Variants in RIMS3 observed in about 807,000 individuals in gnomAD.
RIMS3 encodes regulating synaptic membrane exocytosis 3, also known as regulating synaptic membrane exocytosis protein 3.
A neutral mutation model predicts 29.2 loss-of-function variants in RIMS3; 15 were observed. That is an observed-to-expected ratio of 0.51 (90% CI 0.34 to 0.79). The LOEUF is 0.79. Ranked by LOEUF, RIMS3 falls within the 30% of genes least tolerant of loss-of-function variation. The pLI is 0.01. For synonymous variants in RIMS3, 161 were observed against 170.1 expected (o/e 0.95, Z 0.41); for missense variants, 342 against 421.4 (o/e 0.81, Z 1.65).
chr1:40,683,921 A>G, the RIMS3 span, among the ~76,000 whole-genome samples: 2 of 152,174 alleles, frequency 1.3e-5, no homozygotes, highest in South Asian at 2.1e-4. Flanking sequence ...TTTTCTGAGA[A>G]GTGTTACTCT....
chr1:40,689,448 A>T, the RIMS3 span, among the ~76,000 whole-genome samples: 1 of 151,958 alleles, frequency 6.6e-6, no homozygotes, highest in Non-Finnish European at 1.5e-5. Context: ...CACCTGGCTA[A>T]TTTTTTTATT....
At chr1:40,655,353 C>T (rs1224780400) in intron 1 of RIMS3, among the ~76,000 whole-genome samples, 2 of 152,104 alleles carry the variant, frequency 1.3e-5, no homozygotes, top group Admixed American at 6.5e-5. Flanking sequence ...AGCCCCTACT[C>T]CCCCCAGGAG....
chr1:40,666,761 C>T (rs748785257), upstream of RIMS3, among the ~76,000 whole-genome samples: 20 of 152,124 alleles, frequency 1.3e-4, no homozygotes, highest in Non-Finnish European at 2.5e-4. Context: ...GGTGCGGTGG[C>T]TCATGCCTGT....
At chr1:40,667,614 G>A (rs918946608), upstream of RIMS3, among the ~76,000 whole-genome samples, 21 of 152,106 alleles carry the variant, frequency 1.4e-4, no homozygotes, top group Non-Finnish European at 1.5e-5. Flanking sequence ...GGTGGAGAGG[G>A]GGTTGATTCT....
the RIMS3 span, among the ~76,000 whole-genome samples, chr1:40,685,946 A>G: frequency 2.0e-5 from 3 of 152,108 alleles, no homozygotes; most frequent in African/African-American, 7.2e-5. Context: ...TCAGGAGTTC[A>G]AGACCAGCTT....
At chr1:40,641,375 CTG>C (rs937607243) in intron 3 of RIMS3, among the ~76,000 whole-genome samples, 2 of 152,206 alleles carry the variant, frequency 1.3e-5, no homozygotes, top group African/African-American at 4.8e-5. Context: ...TGGTTAATGT[CTG>C]TGTGTGGAGA....
the RIMS3 span, among the ~76,000 whole-genome samples, chr1:40,687,005 CAAA>C: frequency 7.0e-6 from 1 of 142,652 alleles, no homozygotes; most frequent in Non-Finnish European, 1.5e-5. Context: ...GGTGGCTCCT[CAAA>C]AAAAAAAAAA....
At chr1:40,667,857 A>C (rs1215376471), upstream of RIMS3, among the ~76,000 whole-genome samples, 1 of 152,232 alleles carries the variant, frequency 6.6e-6, no homozygotes, top group Non-Finnish European at 1.5e-5. Context: ...GGCCCGGCAC[A>C]GTGGCTCATG....
chr1:40,691,605 C>T, the RIMS3 span: 3 of 368,980 alleles, frequency 8.1e-6, no homozygotes, highest in African/African-American at 2.2e-5. Context: ...GTCGCCCCTT[C>T]CCAATTCTCG....
the RIMS3 span, among the ~76,000 whole-genome samples, chr1:40,675,651 A>T: frequency 6.6e-6 from 1 of 150,674 alleles, no homozygotes; most frequent in African/African-American, 2.4e-5. Context: ...TCAGCTACTC[A>T]GGAGGCTGAG....
rs945045177 is a variant in RIMS3, at chr1:40,654,662, C to T, written c.-206-6820G>A. 2.0e-5 allele frequency among the ~76,000 whole-genome samples: 3 copies of T among 152,090 alleles called. No homozygotes were observed. The highest frequency in any genetic ancestry group is 4.4e-5 in the Non-Finnish European group (3 of 68,034). ...GACCCACAACACACCCTGCCACACA[C>T]ACACAAACTCGCACGCTGCAGAAAA... is the stretch of plus-strand genomic sequence containing the variant. On this transcript the variant is annotated intron_variant, in intron 1 of 7. Transcript: ENST00000372684. This position sits in a 1 kb window ranked among gnomAD's most constrained non-coding sequence, Gnocchi z 5.3.
chr1:40,662,028 A>G (rs1263555901), intron 1 of RIMS3, among the ~76,000 whole-genome samples: 7 of 152,220 alleles, frequency 4.6e-5, no homozygotes, highest in Admixed American at 4.6e-4. Flanking sequence ...GGAAAAGGGT[A>G]GGAGAGGGCA....
intron 2 of RIMS3, among the ~76,000 whole-genome samples, chr1:40,644,638 G>C (rs1646582549): frequency 6.6e-6 from 1 of 152,208 alleles, no homozygotes; most frequent in African/African-American, 2.4e-5. Context: ...GTTTTTAACA[G>C]AGCTGGGATC....
At chr1:40,678,666 G>A in the RIMS3 span, among the ~76,000 whole-genome samples, 1 of 152,210 alleles carries the variant, frequency 6.6e-6, no homozygotes, top group Admixed American at 6.5e-5. Context: ...GGAAGCAGAA[G>A]GGAGTAGCAG....
chr1:40,675,530 G>A, the RIMS3 span, among the ~76,000 whole-genome samples: 2 of 152,108 alleles, frequency 1.3e-5, no homozygotes, highest in African/African-American at 2.4e-5. Flanking sequence ...GGTTGAGACA[G>A]GAGGATCACC....
chr1:40,652,568 A>C (rs1642190824), intron 1 of RIMS3, among the ~76,000 whole-genome samples: 1 of 152,222 alleles, frequency 6.6e-6, no homozygotes, highest in Non-Finnish European at 1.5e-5. Context: ...GGAGGCGGCA[A>C]CTACTGGGAA....
At chr1:40,639,439 T>C (rs1646541984) in intron 3 of RIMS3, among the ~76,000 whole-genome samples, 1 of 152,190 alleles carries the variant, frequency 6.6e-6, no homozygotes, top group Non-Finnish European at 1.5e-5. Flanking sequence ...AGCAGAGGTG[T>C]GGAGGCTGAG....
At chr1:40,655,783 T>C (rs950991907) in intron 1 of RIMS3, among the ~76,000 whole-genome samples, 3 of 152,184 alleles carry the variant, frequency 2.0e-5, no homozygotes, top group Admixed American at 1.3e-4. Context: ...GGCAGGCAGA[T>C]CACTTGAGGT....
intron 7 of RIMS3, 28 bp downstream of exon 7, chr1:40,628,782 C>A: frequency 1.2e-6 from 2 of 1,614,102 alleles, no homozygotes; most frequent in Non-Finnish European, 1.7e-6. Flanking sequence ...GTGAGTCCAC[C>A]CTGCCCTACT....
Sources: gnomAD v4.1 joint callset for allele counts (sites outside exome capture counted in the v4.1 genomes callset) on GRCh38, gnomAD v4.1.1 for gene constraint, Gnocchi (gnomAD v3.1) non-coding constraint, MANE v1.5 for transcripts, NCBI Gene and HGNC (gene_info 2026-07-23, HGNC 2026-07-21) for gene names.